LPIN2: variants seen among roughly 807,000 people sequenced by gnomAD.
LPIN2 encodes the protein phosphatidate phosphatase LPIN2.
Under a neutral mutation model 111.4 loss-of-function variants are expected in LPIN2, and 55 were observed. That is an observed-to-expected ratio of 0.49 (90% CI 0.40 to 0.62). The LOEUF (loss-of-function observed/expected upper bound fraction) is 0.62. LPIN2 is among the 20% of genes least tolerant of loss of function. The pLI is 0.00. For synonymous variants in LPIN2, 425 were observed against 414.0 expected (o/e 1.03, Z -0.32); for missense variants, 992 against 1,112.1 (o/e 0.89, Z 1.54).
chr18:2,958,121 G>C (rs1482280263), intron 2 of LPIN2, among the ~76,000 whole-genome samples: 1 of 84,036 alleles, frequency 1.2e-5, no homozygotes, highest in African/African-American at 4.3e-5. Context: ...CAGCTTGGGC[G>C]ACAAAGCGAG....
chr18:2,936,488 A>T (rs778542322), intron 7 of LPIN2, among the ~76,000 whole-genome samples: 7 of 152,138 alleles, frequency 4.6e-5, no homozygotes, highest in Non-Finnish European at 7.4e-5. Flanking sequence ...ACTCTGTCAC[A>T]TGGGTTAGAG....
At chr18:2,967,101 G>A (rs2077816758) in intron 1 of LPIN2, 1 of 152,074 alleles carries the variant, frequency 6.6e-6, no homozygotes, top group African/African-American at 2.4e-5. Flanking sequence ...TACCTCATTT[G>A]ATTTTCAAAA....
Position 2,925,153 on chromosome 18 carries a change from G to A in LPIN2, c.1938+71C>T. On this transcript the variant is annotated intron_variant, in intron 14 of 19. Transcript: ENST00000677752. The surrounding 1 kb of genome is among the most constrained non-coding windows in gnomAD (Gnocchi z 4.1). ...TGCAGCTGGGGACGTGTGGACAGAAGAGGATGTGCATCAAATTAAACCATT... is the reference window on the plus strand; with the variant it reads ...TGCAGCTGGGGACGTGTGGACAGAAAAGGATGTGCATCAAATTAAACCATT... 1 of 1,573,746 alleles carries A rather than the reference G, an allele frequency of 6.4e-7. No individual in the cohort carries two copies. Among genetic ancestry groups the A allele is most frequent in the South Asian group, 1.1e-5 (1 of 90,042 alleles).
At chr18:2,947,068 G>C (rs1197685681) in intron 4 of LPIN2, among the ~76,000 whole-genome samples, 1 of 152,212 alleles carries the variant, frequency 6.6e-6, no homozygotes, top group African/African-American at 2.4e-5. Context: ...GAAGTATGCA[G>C]ATCATCAGAG....
chr18:2,991,029 T>C (rs1182750508), intron 1 of LPIN2: 2 of 569,060 alleles, frequency 3.5e-6, no homozygotes, highest in Non-Finnish European at 6.9e-6. Context: ...TGAGACCTCT[T>C]GCTTGTCCCA....
intron 4 of LPIN2, chr18:2,946,604 C>T (rs777577017): frequency 3.5e-6 from 3 of 849,754 alleles, no homozygotes; most frequent in Non-Finnish European, 4.0e-6. Flanking sequence ...TAGCCAATCC[C>T]GTGTTGCTAG....
At chr18:2,943,395 G>T (rs2144223698) in intron 4 of LPIN2, among the ~76,000 whole-genome samples, 1 of 151,660 alleles carries the variant, frequency 6.6e-6, no homozygotes, top group Non-Finnish European at 1.5e-5. Context: ...AAATACCATG[G>T]TCACTAATGT....
chr18:2,918,337 A>G lies in LPIN2; in HGVS notation c.*1956T>C, dbSNP rs2076999722. On this transcript the variant is annotated 3_prime_UTR_variant, in exon 20 of 20. Transcript: ENST00000677752. ...AAAAGGATTAAAGATGTATATTAAG[A>G]TTTTTCAGTACCATACATATGCAAA... 1 of 152,218 alleles carries G rather than the reference A, an allele frequency of 6.6e-6. No individual in the cohort carries two copies. Among genetic ancestry groups the G allele is most frequent in the Non-Finnish European group, 1.5e-5 (1 of 68,036 alleles). 9.4% of individuals were successfully genotyped at this position (152,218 alleles called of 1,614,324 possible).
chr18:2,979,731 C>G (rs983816302), intron 1 of LPIN2, among the ~76,000 whole-genome samples: 2 of 152,126 alleles, frequency 1.3e-5, no homozygotes, highest in Non-Finnish European at 2.9e-5. Flanking sequence ...TCCACAGTCC[C>G]AAAACTACTC....
At chr18:2,920,967 C>T in intron 18 of LPIN2, 86 bp from the exon 19 acceptor site, 1 of 897,276 alleles carries the variant, frequency 1.1e-6, no homozygotes, top group African/African-American at 1.6e-5. Context: ...AGAAGCACTG[C>T]ACAGACAGAC....
chr18:2,950,944 G>A (rs2077525977), intron 4 of LPIN2, 111 bp downstream of exon 4: 3 of 1,162,544 alleles, frequency 2.6e-6, no homozygotes, highest in Admixed American at 3.4e-5. Context: ...CTGTAAAGGG[G>A]GAAAACAAGC....
chr18:2,971,266 G>A (rs1238951445), intron 1 of LPIN2, among the ~76,000 whole-genome samples: 2 of 152,214 alleles, frequency 1.3e-5, no homozygotes, highest in African/African-American at 2.4e-5. Context: ...TAAGGAGGAA[G>A]TGGGATCAAA....
intron 4 of LPIN2, chr18:2,945,758 T>C (rs2077441522): frequency 2.5e-6 from 3 of 1,182,646 alleles, no homozygotes; most frequent in Non-Finnish European, 2.5e-6. Flanking sequence ...CATCTAACAA[T>C]GTGCTATTTG....
chr18:3,007,538 C>T (rs376270465), intron 1 of LPIN2, among the ~76,000 whole-genome samples: 4 of 152,186 alleles, frequency 2.6e-5, no homozygotes, highest in South Asian at 2.1e-4. Context: ...TGTGGACAGA[C>T]GTCTCTCAGT....
chr18:2,997,395 G>A lies in LPIN2; in HGVS notation c.-10+15692C>T, dbSNP rs190976426. Among the ~76,000 whole-genome samples the A allele has an allele frequency of 1.9e-4, 9 of 48,562 alleles. No homozygotes were observed. In the East Asian group the frequency reaches 2.4e-3, roughly 13 times the overall value. 31.9% of individuals were successfully genotyped at this position (48,562 alleles called of 152,430 possible). ...ACCCTCCTCAGCCTCCCAAAGTGCT[G>A]GGATTACAAGCATGAGCCACTGCAC... On this transcript the variant is annotated intron_variant, in intron 1 of 19. Transcript: ENST00000677752.
intron 6 of LPIN2, among the ~76,000 whole-genome samples, chr18:2,938,397 G>A (rs371953656): frequency 2.0e-5 from 3 of 152,078 alleles, no homozygotes; most frequent in East Asian, 1.9e-4. Flanking sequence ...GGTGGCAGGC[G>A]CCTGTAATCT....
chr18:2,979,977 G>A (rs1598595071), intron 1 of LPIN2, among the ~76,000 whole-genome samples: 1 of 152,118 alleles, frequency 6.6e-6, no homozygotes, highest in African/African-American at 2.4e-5. Flanking sequence ...CTTCTGCTGC[G>A]CTTAAGGAAC....
chr18:2,922,211 C>A lies in LPIN2; in HGVS notation c.2175-12G>T, dbSNP rs760932887. 2 of 1,613,874 alleles carry A rather than the reference C, an allele frequency of 1.2e-6. No individual in the cohort carries two copies. Among genetic ancestry groups the A allele is most frequent in the Non-Finnish European group, 1.7e-6 (2 of 1,179,908 alleles). Reference sequence around the variant, plus strand: ...ACTTGTAGCCATTCCTGAAAGAAAACACACCCTGTTAGCCCACATGTTCTG... The same window carrying A: ...ACTTGTAGCCATTCCTGAAAGAAAAAACACCCTGTTAGCCCACATGTTCTG... On this transcript the variant is annotated splice_polypyrimidine_tract_variant and intron_variant, in intron 16 of 19. Transcript: ENST00000677752.
intron 18 of LPIN2, chr18:2,921,130 G>C (rs960157281): frequency 1.0e-5 from 6 of 580,246 alleles, no homozygotes; most frequent in Non-Finnish European, 1.8e-5. Flanking sequence ...AGGCCAGAGA[G>C]GCCACATCTT....
Sources: gnomAD v4.1 joint callset for allele counts (sites outside exome capture counted in the v4.1 genomes callset) on GRCh38, gnomAD v4.1.1 for gene constraint, Gnocchi (gnomAD v3.1) non-coding constraint, MANE v1.5 for transcripts, NCBI Gene and HGNC (gene_info 2026-07-23, HGNC 2026-07-21) for gene names.